The following COL4A6 variants were observed in gnomAD, a reference collection of about 807,000 sequenced individuals.
The protein encoded by COL4A6 is collagen alpha-6(IV) chain.
COL4A6 carries 59 observed loss-of-function variants against 126.7 expected under a neutral mutation model. That is an observed-to-expected ratio of 0.47 (90% CI 0.38 to 0.58). COL4A6 has a LOEUF of 0.58. COL4A6 is among the 20% of genes least tolerant of loss of function. COL4A6 has a pLI of 0.00. For missense variants in COL4A6, 1,285 were observed against 1,337.3 expected, an observed-to-expected ratio of 0.96 and a Z score of 0.61; for synonymous variants, 547 against 496.6, an observed-to-expected ratio of 1.10 and a Z score of -1.35.
At chrX:108,404,128 A>G (rs113733548) in intron 2 of COL4A6, among the ~76,000 whole-genome samples, 134 of 111,666 alleles carry the variant, frequency 1.2e-3, no homozygotes, top group African/African-American at 3.9e-3. Flanking sequence ...CCAGCCTCCA[A>G]TACTGTGAGA....
At chrX:108,400,476 A>G (rs768934880) in intron 2 of COL4A6, among the ~76,000 whole-genome samples, 73 of 111,559 alleles carry the variant, frequency 6.5e-4, no homozygotes, top group Non-Finnish European at 1.2e-3. Context: ...ATCTCAGAGC[A>G]ATGACAAAAG....
chrX:108,438,697 CG>C (rs1372680665), upstream of COL4A6, among the ~76,000 whole-genome samples: 1 of 112,830 alleles, frequency 8.9e-6, no homozygotes, highest in Non-Finnish European at 1.9e-5. Context: ...CAGATGGGCC[CG>C]AAAGTGCCCT....
chrX:108,320,257 C>T (rs1175604068), intron 2 of COL4A6, among the ~76,000 whole-genome samples: 1 of 111,534 alleles, frequency 9.0e-6, no homozygotes, highest in African/African-American at 3.3e-5. Flanking sequence ...CAAGGCAGCT[C>T]TAAGGGCCCA....
chrX:108,223,598 G>C (rs1350169703), intron 3 of COL4A6, among the ~76,000 whole-genome samples: 1 of 111,362 alleles, frequency 9.0e-6, no homozygotes, highest in Non-Finnish European at 1.9e-5. Context: ...CAGCTGAAGC[G>C]GGCCTGGAAA....
intron 3 of COL4A6, among the ~76,000 whole-genome samples, chrX:108,291,178 C>T (rs1167976598): frequency 8.9e-6 from 1 of 111,857 alleles, no homozygotes; most frequent in Non-Finnish European, 1.9e-5. Context: ...TTCCTCAGCT[C>T]TCATTAGGAC....
intron 3 of COL4A6, among the ~76,000 whole-genome samples, chrX:108,305,816 A>T (rs758537982): frequency 1.7e-3 from 195 of 111,986 alleles, no homozygotes; most frequent in African/African-American, 6.2e-3. Context: ...TGGGGAAGAC[A>T]TAGATAGAAT....
chrX:108,214,547 G>C (rs1465912475), intron 5 of COL4A6, among the ~76,000 whole-genome samples: 1 of 112,125 alleles, frequency 8.9e-6, no homozygotes, highest in Non-Finnish European at 1.9e-5. Context: ...CTAAAATTGG[G>C]CTTAGCTGTC....
At chrX:108,422,575 T>C (rs2063999364) in intron 2 of COL4A6, among the ~76,000 whole-genome samples, 1 of 111,248 alleles carries the variant, frequency 9.0e-6, no homozygotes, top group African/African-American at 3.3e-5. Context: ...TAGAAATGTA[T>C]AGAGAGATCC....
intron 3 of COL4A6, among the ~76,000 whole-genome samples, chrX:108,234,158 C>T (rs971335527): frequency 8.9e-6 from 1 of 112,080 alleles, no homozygotes; most frequent in African/African-American, 3.2e-5. Flanking sequence ...ATGCTCATAA[C>T]AACACTGTCC....
At chrX:108,181,075 C>T (rs1343189065) in intron 23 of COL4A6, 107 bp from the exon 24 acceptor site, 3 of 676,433 alleles carry the variant, frequency 4.4e-6, no homozygotes, top group African/African-American at 4.4e-5. Flanking sequence ...CCAAGCTCTT[C>T]CCACTCAGCA....
In COL4A6 at chrX:108,341,408, T is replaced by C. The variant is rs990497559; in HGVS notation, c.64-30580A>G. ...GTGGGAAGGACCCAGTGGGAGATAATTGAATCACAGGGAGCAGTTTCCCCC... is the reference window on the plus strand; with the variant it reads ...GTGGGAAGGACCCAGTGGGAGATAACTGAATCACAGGGAGCAGTTTCCCCC... On this transcript the variant is annotated intron_variant, in intron 2 of 44. Transcript: ENST00000334504. 3.6e-5 allele frequency among the ~76,000 whole-genome samples: 4 copies of C among 110,909 alleles called. No individual in the cohort carries two copies. The Admixed American group carries it at 3.8e-4, about 11-fold the overall frequency.
Position 108,192,473 on chromosome X carries a change from C to T in COL4A6, c.1180G>A (p.Gly394Ser). The T allele has an allele frequency of 8.4e-7, 1 of 1,196,999 alleles. No individual in the cohort carries two copies. Among genetic ancestry groups the T allele is most frequent in the Non-Finnish European group, 1.1e-6 (1 of 883,832 alleles). The change falls in exon 18 of 45, where the codon GGT (glycine) becomes AGT (serine). Residue 394 changes from glycine to serine, a missense_variant and splice_region_variant. Gly to Ser is a moderately conservative substitution (Grantham distance 56). Coordinates refer to ENST00000334504, the MANE Select transcript of COL4A6 (RefSeq NM_033641.4). Reference sequence around the variant, plus strand: ...TAGGAAATGGGTTAGTTTTTTTCACCTGATAATGCTGGCAATCCAGGGACA... The same window carrying T: ...TAGGAAATGGGTTAGTTTTTTTCACTTGATAATGCTGGCAATCCAGGGACA... The part of the protein sequence containing the change: ...SGVPGLPALS[G>S]VPGALGPQGF...
At chrX:108,301,136 C>T (rs1450100921) in intron 3 of COL4A6, among the ~76,000 whole-genome samples, 6 of 112,209 alleles carry the variant, frequency 5.3e-5, no homozygotes, top group African/African-American at 1.3e-4. Context: ...TCAAAGTAGA[C>T]ACCAAATTAC....
intron 2 of COL4A6, among the ~76,000 whole-genome samples, chrX:108,315,185 C>T (rs1211210915): frequency 8.9e-6 from 1 of 112,007 alleles, no homozygotes; most frequent in Non-Finnish European, 1.9e-5. Context: ...GAAGATTGTA[C>T]TTTTTTCCCC....
chrX:108,287,439 G>T (rs2038037048), intron 3 of COL4A6, among the ~76,000 whole-genome samples: 2 of 111,910 alleles, frequency 1.8e-5, no homozygotes, highest in South Asian at 3.8e-4. Flanking sequence ...CTTGGAAACA[G>T]ATTCTTTCAA....
At chrX:108,345,317 C>CA (rs1470366256) in intron 2 of COL4A6, among the ~76,000 whole-genome samples, 2 of 111,322 alleles carry the variant, frequency 1.8e-5, no homozygotes, top group African/African-American at 3.3e-5. Context: ...ACAAAATTAC[C>CA]AAAACAGTTG....
chrX:108,193,714 C>A lies in COL4A6; in HGVS notation c.1003-17G>T. ...CTTTTGACCCTGCAAAGATTAAGTA[C>A]ATTAAACACAAATATTTCCATTTCC... On this transcript the variant is annotated splice_polypyrimidine_tract_variant and intron_variant, in intron 16 of 44. Transcript: ENST00000334504. 2.6e-6 allele frequency: 3 copies of A among 1,156,184 alleles called. No homozygotes were observed. Among genetic ancestry groups the A allele is most frequent in the Non-Finnish European group, 3.5e-6 (3 of 849,026 alleles).
rs563643656 is a variant in COL4A6, at chrX:108,166,691, G to A, written c.3692-1205C>T. ...AAGTCTCTCTAGGTTTCTTAGGTCC[G>A]GAAAAAAGAAAAAACACAAAAAGAA... On this transcript the variant is annotated intron_variant, in intron 37 of 44. Coordinates refer to ENST00000334504, the MANE Select transcript of COL4A6 (RefSeq NM_033641.4). Among the ~76,000 whole-genome samples, 85 of 111,141 alleles carry A rather than the reference G, an allele frequency of 7.6e-4. 1 individual carries two copies. The South Asian group carries it at 0.03, about 39-fold the overall frequency.
At chrX:108,195,482 G>T (rs760079932) in intron 14 of COL4A6, among the ~76,000 whole-genome samples, 95 of 112,063 alleles carry the variant, frequency 8.5e-4, no homozygotes, top group African/African-American at 2.9e-3. Flanking sequence ...ACATTGGCCA[G>T]GCTGGTCTCG....
Sources: allele counts gnomAD v4.1 joint callset (sites outside exome capture counted in the v4.1 genomes callset), GRCh38; gene constraint gnomAD v4.1.1; transcripts MANE v1.5; gene names NCBI Gene and HGNC (gene_info 2026-07-23, HGNC 2026-07-21).